Variants in TNKS1BP1 observed in about 807,000 individuals in gnomAD.
TNKS1BP1 encodes 182 kDa tankyrase-1-binding protein.
TNKS1BP1 carries 48 observed loss-of-function variants against 141.1 expected under a neutral mutation model. That is an observed-to-expected ratio of 0.34 (90% CI 0.27 to 0.43). The LOEUF (loss-of-function observed/expected upper bound fraction) is 0.43, where lower values mean the gene tolerates loss of function less well. TNKS1BP1 is among the 20% of genes least tolerant of loss of function. The pLI, the probability that TNKS1BP1 is intolerant of heterozygous loss-of-function variation, is 1.00. For synonymous variants in TNKS1BP1, 875 were observed against 898.2 expected, an observed-to-expected ratio of 0.97 and a Z score of 0.46; for missense variants, 2,149 against 2,226.0, an observed-to-expected ratio of 0.97 and a Z score of 0.70.
rs1475828693 is a variant in TNKS1BP1, at chr11:57,309,514, G to A, written c.3197C>T (p.Ala1066Val). Reference sequence around the variant, plus strand: ...AGCACTGCCAGGGCCCTGAGCCCCTGCCTGCTGTCTCTCCTGATGCCCTCC... The same window carrying A: ...AGCACTGCCAGGGCCCTGAGCCCCTACCTGCTGTCTCTCCTGATGCCCTCC... ...EVGGHQERQQ[A>V]GAQGPGSADL... is the part of the protein sequence containing the mutation. Residue 1066 changes from alanine to valine, a missense_variant, in exon 6 of 12, where the codon GCA (alanine) becomes GTA (valine). By Grantham distance (64) the Ala-to-Val change is moderately conservative (BLOSUM62 0). Coordinates refer to ENST00000358252, the MANE Select transcript of TNKS1BP1 (RefSeq NM_033396.3). This position sits in a 1 kb window ranked among gnomAD's most constrained non-coding sequence, Gnocchi z 4.3. The A allele has an allele frequency of 5.0e-6, 8 of 1,613,578 alleles. No homozygotes were observed. In the East Asian group the frequency reaches 8.9e-5, roughly 18 times the overall value.
At chr11:57,313,948 C>A in intron 4 of TNKS1BP1, 59 bp from the exon 5 acceptor site, 1 of 1,412,508 alleles carries the variant, frequency 7.1e-7, no homozygotes, top group Non-Finnish European at 9.2e-7. Flanking sequence ...CGGGGAGGGT[C>A]CCCTCCGACC....
chr11:57,313,605 A>T lies in TNKS1BP1; in HGVS notation c.1083T>A (p.Ala361=). ...GGCTGCTGGGTCTGGGGGCCTCTGG[A>T]GCCCCCTCGGCAGGGAGCCCCGGGC... ...TPSPGLPAEG[A]PEAPRPSSPP... Residue 361 remains alanine, a synonymous_variant, in exon 5 of 12, where the codon GCT becomes GCA. Transcript: ENST00000358252. The T allele has an allele frequency of 6.3e-7, 1 of 1,594,670 alleles. No homozygotes were observed. The highest frequency in any genetic ancestry group is 8.5e-7 in the Non-Finnish European group (1 of 1,171,132).
At position 57,302,232 on chromosome 11, in the gene TNKS1BP1, G is replaced by A; in HGVS notation, c.4684-8C>T. 2 of 1,605,512 alleles carry A rather than the reference G, an allele frequency of 1.2e-6. No individual in the cohort carries two copies. The highest frequency in any genetic ancestry group is 1.7e-6 in the Non-Finnish European group (2 of 1,175,726). ...GTCGAGGATCTCGGTGTCCTGCTTG[G>A]GGCAATGGTGACACCACTGCCATTG... On this transcript the variant is annotated splice_region_variant and splice_polypyrimidine_tract_variant and intron_variant, in intron 7 of 11. Transcript: ENST00000358252. The surrounding 1 kb of genome is among the most constrained non-coding windows in gnomAD (Gnocchi z 5.5).
At chr11:57,307,708 C>A (rs1855634573) in intron 6 of TNKS1BP1, among the ~76,000 whole-genome samples, 1 of 152,218 alleles carries the variant, frequency 6.6e-6, no homozygotes, top group Non-Finnish European at 1.5e-5. Context: ...GGATGCAATG[C>A]CTTTTTAGCA....
At chr11:57,321,546 G>T (rs1370697426) in intron 2 of TNKS1BP1, among the ~76,000 whole-genome samples, 5 of 152,152 alleles carry the variant, frequency 3.3e-5, no homozygotes, top group Admixed American at 2.6e-4. Flanking sequence ...CATGCAGCTT[G>T]ATCCATATCA....
At chr11:57,313,946 G>T (rs1349386848) in intron 4 of TNKS1BP1, 57 bp from the exon 5 acceptor site, 2 of 1,418,572 alleles carry the variant, frequency 1.4e-6, no homozygotes, top group Non-Finnish European at 9.2e-7. Flanking sequence ...GGCGGGGAGG[G>T]TCCCCTCCGA....
chr11:57,320,385 C>A lies in TNKS1BP1; in HGVS notation c.422G>T (p.Gly141Val), dbSNP rs773582467. 9.3e-6 allele frequency: 15 copies of A among 1,612,968 alleles called. No individual in the cohort carries two copies. The highest frequency in any genetic ancestry group is 2.7e-5 in the African/African-American group (2 of 74,914). ...GAAAGGGGCAGGGGCCTTCCGTACACCCCCTGGGGCTGCACATCGAGCTGG... is the reference window on the plus strand; with the variant it reads ...GAAAGGGGCAGGGGCCTTCCGTACAACCCCTGGGGCTGCACATCGAGCTGG... ...TPPARCAAPG[G>V]VRKAPAPFRP... The change falls in exon 3 of 12, where the codon GGT (glycine) becomes GTT (valine). Residue 141 changes from glycine (G) to valine (V), a missense_variant. By Grantham distance (109) the Gly-to-Val change is moderately radical. Transcript: ENST00000358252.
chr11:57,322,074 G>A (rs896140528), intron 1 of TNKS1BP1, 124 bp from the exon 2 acceptor site: 2 of 495,782 alleles, frequency 4.0e-6, no homozygotes, highest in Admixed American at 6.3e-5. Context: ...CTTGGAGTGG[G>A]GGGGGGGGGG....
chr11:57,303,608 G>A (rs988097961), intron 6 of TNKS1BP1: 1 of 152,378 alleles, frequency 6.6e-6, no homozygotes, highest in Non-Finnish European at 1.5e-5. Flanking sequence ...CAAAAACGGG[G>A]CCCTTTCTGC....
At chr11:57,324,220 A>G (rs765034006) in intron 1 of TNKS1BP1, among the ~76,000 whole-genome samples, 3 of 152,218 alleles carry the variant, frequency 2.0e-5, no homozygotes, top group Non-Finnish European at 4.4e-5. Context: ...AGAGGTCGGC[A>G]GGGACAGCAC....
chr11:57,315,737 C>A (rs1028335544), intron 4 of TNKS1BP1, among the ~76,000 whole-genome samples: 5 of 150,410 alleles, frequency 3.3e-5, no homozygotes, highest in Non-Finnish European at 7.4e-5. Flanking sequence ...CAGCAGAGAA[C>A]CCCCGACAAC....
rs563092771 is a variant in TNKS1BP1, at chr11:57,317,145, C to G, written c.798+673G>C. Among the ~76,000 whole-genome samples the G allele has an allele frequency of 2.9e-4, 44 of 152,358 alleles. 1 individual carries two copies. The highest frequency in any genetic ancestry group is 1.1e-3 in the African/African-American group (44 of 41,580). On this transcript the variant is annotated intron_variant, in intron 4 of 11. Coordinates refer to ENST00000358252, the MANE Select transcript of TNKS1BP1 (RefSeq NM_033396.3). ...CTCGTCCCTGCACTCTCTACTCTAC[C>G]TTCACAGCTATCTCCAACATCCAGC...
Position 57,311,230 on chromosome 11 carries a change from T to G in TNKS1BP1, c.2155-674A>C, listed in dbSNP as rs1308327080. Reference sequence around the variant, plus strand: ...ACCCCACCCCCCACCTCACGCTCCCTGACTCACCCTTGTGGGCGGGAGAGC... The same window carrying G: ...ACCCCACCCCCCACCTCACGCTCCCGGACTCACCCTTGTGGGCGGGAGAGC... On this transcript the variant is annotated intron_variant, in intron 5 of 11. Coordinates refer to ENST00000358252, the MANE Select transcript of TNKS1BP1 (RefSeq NM_033396.3). The G allele has an allele frequency of 1.2e-5, 12 of 984,690 alleles. No homozygotes were observed. The South Asian group carries it at 5.2e-4, about 42-fold the overall frequency. 61.0% of individuals were successfully genotyped at this position (984,690 alleles called of 1,614,324 possible).
At chr11:57,320,759 A>G (rs570113674) in intron 2 of TNKS1BP1, 47 bp from the exon 3 acceptor site, 1 of 1,500,944 alleles carries the variant, frequency 6.7e-7, no homozygotes, top group African/African-American at 1.4e-5. Flanking sequence ...AAGAACCAGG[A>G]AGCAGAACTT....
At chr11:57,324,685 C>A (rs1590600562) in intron 1 of TNKS1BP1, among the ~76,000 whole-genome samples, 155 bp downstream of exon 1, 2 of 152,140 alleles carry the variant, frequency 1.3e-5, no homozygotes, top group Middle Eastern at 3.4e-3. Context: ...GCGTCCCCAG[C>A]GCCCTCGGCC....
chr11:57,316,996 G>T (rs1855809414), intron 4 of TNKS1BP1, among the ~76,000 whole-genome samples: 1 of 152,110 alleles, frequency 6.6e-6, no homozygotes, highest in African/African-American at 2.4e-5. Flanking sequence ...CAGACATCCT[G>T]GCCTCCTTGC....
Position 57,309,098 on chromosome 11 carries a change from G to C in TNKS1BP1, c.3613C>G (p.Leu1205Val). 3.7e-6 allele frequency: 6 copies of C among 1,614,084 alleles called. No individual in the cohort carries two copies. Among genetic ancestry groups the C allele is most frequent in the Non-Finnish European group, 5.1e-6 (6 of 1,180,024 alleles). Residue 1205 changes from leucine (L) to valine (V), a missense_variant, in exon 6 of 12, where the codon CTG becomes GTG. Leu to Val is a conservative substitution (Grantham distance 32). Transcript: ENST00000358252. The surrounding 1 kb of genome is among the most constrained non-coding windows in gnomAD (Gnocchi z 4.3). Reference protein sequence around the residue: ...SGGLSLRDMNLTGCLESGGSE... With the variant: ...SGGLSLRDMNVTGCLESGGSE... Reference sequence around the variant, plus strand: ...CCTCCACTTTCCAAACAGCCGGTCAGGTTCATGTCTCTCAAGCTCAGGCCA... The same window carrying C: ...CCTCCACTTTCCAAACAGCCGGTCACGTTCATGTCTCTCAAGCTCAGGCCA...
Position 57,309,706 on chromosome 11 carries a change from A to G in TNKS1BP1, c.3005T>C (p.Ile1002Thr). 6.2e-7 allele frequency: 1 copy of G among 1,614,148 alleles called. No individual in the cohort carries two copies. The part of the protein sequence containing the change: ...QQQDEEFEKK[I>T]PSVEDSLGEG... The stretch of plus-strand genomic sequence containing the variant: ...TCCAAGGCTGTCTTCCACACTTGGA[A>G]TCTTCTTCTCAAATTCCTCATCCTG... Residue 1002 changes from isoleucine (I) to threonine (T), a missense_variant, in exon 6 of 12, where the codon ATT (isoleucine) becomes ACT (threonine). Coordinates refer to ENST00000358252, the MANE Select transcript of TNKS1BP1 (RefSeq NM_033396.3). The surrounding 1 kb of genome is among the most constrained non-coding windows in gnomAD (Gnocchi z 4.3).
intron 4 of TNKS1BP1, among the ~76,000 whole-genome samples, chr11:57,316,140 G>A (rs758508796): frequency 3.3e-5 from 5 of 152,096 alleles, no homozygotes; most frequent in Non-Finnish European, 7.4e-5. Flanking sequence ...CAAGGTCACG[G>A]ATGACCTCCC....
Sources: gnomAD v4.1 joint callset for allele counts (sites outside exome capture counted in the v4.1 genomes callset) on GRCh38, gnomAD v4.1.1 for gene constraint, Gnocchi (gnomAD v3.1) non-coding constraint, MANE v1.5 for transcripts, NCBI Gene and HGNC (gene_info 2026-07-23, HGNC 2026-07-21) for gene names.